Variants in CBFA2T3 observed in about 807,000 individuals in gnomAD.
CBFA2T3 encodes transcriptional corepressor CBFA2T3.
In CBFA2T3, 31 loss-of-function variants were observed where a neutral mutation model predicts 58.6. The observed-to-expected ratio is 0.53, with a 90% CI of 0.40 to 0.71. The LOEUF (loss-of-function observed/expected upper bound fraction) is 0.71. CBFA2T3 is among the 30% of genes least tolerant of loss of function. CBFA2T3 has a pLI of 0.00. For synonymous variants in CBFA2T3, 531 were observed against 421.9 expected (o/e 1.26, Z -3.17); for missense variants, 1,076 against 963.1 (o/e 1.12, Z -1.55).
At chr16:88,878,127 C>A (rs1968912839) in intron 11 of CBFA2T3, among the ~76,000 whole-genome samples, 1 of 152,272 alleles carries the variant, frequency 6.6e-6, no homozygotes, top group Non-Finnish European at 1.5e-5. Context: ...CAGCTTCATT[C>A]CTCCCGGCAT....
intron 8 of CBFA2T3, 31 bp downstream of exon 8, chr16:88,882,645 T>C (rs1370997512): frequency 6.9e-7 from 1 of 1,441,482 alleles, no homozygotes; most frequent in East Asian, 2.4e-5. Flanking sequence ...TGGGCATGGC[T>C]GTGTGGGCGT....
At chr16:88,910,278 G>A (rs552718066) in intron 1 of CBFA2T3, among the ~76,000 whole-genome samples, 15 of 152,226 alleles carry the variant, frequency 9.9e-5, no homozygotes, top group South Asian at 2.1e-4. Context: ...GCTGCAGCCC[G>A]CGCGGCCCTT....
At chr16:88,976,540 C>T (rs747941524) in intron 1 of CBFA2T3, 117 bp downstream of exon 1, 18 of 744,588 alleles carry the variant, frequency 2.4e-5, no homozygotes, top group African/African-American at 1.8e-4. Context: ...CACGGCCATC[C>T]GTGCCGGCAC....
At chr16:88,935,048 G>A (rs1359925761) in intron 1 of CBFA2T3, among the ~76,000 whole-genome samples, 1 of 152,210 alleles carries the variant, frequency 6.6e-6, no homozygotes, top group African/African-American at 2.4e-5. Flanking sequence ...CCAGAAGGAC[G>A]CATTCTTTAA....
intron 1 of CBFA2T3, among the ~76,000 whole-genome samples, chr16:88,928,354 C>T (rs527284522): frequency 5.3e-5 from 8 of 152,352 alleles, no homozygotes; most frequent in Non-Finnish European, 1.0e-4. Context: ...GGAGCGGGCC[C>T]GGTCTGTGAG....
At chr16:88,884,826 G>A (rs921898450) in intron 7 of CBFA2T3, 32 of 464,276 alleles carry the variant, frequency 6.9e-5, no homozygotes, top group Middle Eastern at 5.6e-4. Context: ...GCCCGAGGCC[G>A]CCCACCCCGG....
chr16:88,921,793 C>T (rs1970930529), intron 1 of CBFA2T3, among the ~76,000 whole-genome samples: 1 of 152,262 alleles, frequency 6.6e-6, no homozygotes, highest in African/African-American at 2.4e-5. Context: ...TTTGAAGTTG[C>T]TTCCTCGGCG....
chr16:88,896,994 G>A (rs780898684), intron 3 of CBFA2T3, among the ~76,000 whole-genome samples: 16 of 152,226 alleles, frequency 1.1e-4, no homozygotes, highest in African/African-American at 3.4e-4. Context: ...AAGTTAGACC[G>A]CACACGTGTC....
intron 2 of CBFA2T3, among the ~76,000 whole-genome samples, chr16:88,900,821 G>C (rs938353164): frequency 5.3e-5 from 8 of 152,262 alleles, no homozygotes; most frequent in African/African-American, 1.9e-4. Flanking sequence ...AGAACTGGCT[G>C]TTCCCTGCCC....
intron 1 of CBFA2T3, among the ~76,000 whole-genome samples, chr16:88,925,061 G>C (rs757251468): frequency 2.0e-5 from 3 of 152,264 alleles, no homozygotes; most frequent in Admixed American, 1.3e-4. Flanking sequence ...GCCCAAGGGG[G>C]AAGCAGTGGA....
At chr16:88,922,804 C>T (rs1031088375) in intron 1 of CBFA2T3, among the ~76,000 whole-genome samples, 5 of 152,244 alleles carry the variant, frequency 3.3e-5, no homozygotes, top group African/African-American at 7.2e-5. Flanking sequence ...TTTGCCCCTG[C>T]GTGGTTTCAC....
chr16:88,879,843 G>A (rs1968995995), intron 10 of CBFA2T3: 1 of 206,868 alleles, frequency 4.8e-6, no homozygotes, highest in Admixed American at 5.5e-5. Context: ...GGTCAGCCAG[G>A]GGCGCACCCG....
At chr16:88,896,897 C>A (rs759608741) in intron 3 of CBFA2T3, among the ~76,000 whole-genome samples, 3 of 152,260 alleles carry the variant, frequency 2.0e-5, no homozygotes, top group Admixed American at 6.5e-5. Flanking sequence ...CACTCCCTCC[C>A]GCGCTGCTGG....
chr16:88,889,384 G>A (rs1191879834), intron 5 of CBFA2T3, among the ~76,000 whole-genome samples: 7 of 60,200 alleles, frequency 1.2e-4, no homozygotes, highest in African/African-American at 2.0e-4. Context: ...GGGAGGGCAG[G>A]AAAAAGCAGA....
rs201916925 is a variant in CBFA2T3, at chr16:88,881,354, C to T, written c.1339G>A (p.Gly447Ser). 615 of 1,585,344 alleles carry T rather than the reference C, an allele frequency of 3.9e-4. 2 individuals carry two copies. The highest frequency in any genetic ancestry group is 4.9e-4 in the Non-Finnish European group (568 of 1,167,554). The change falls in exon 9 of 12, where the codon GGC becomes AGC. Residue 447 changes from glycine (G) to serine (S), a missense_variant. Coordinates refer to ENST00000268679, the MANE Select transcript of CBFA2T3 (RefSeq NM_005187.6). ...RYSDAEDTKKGPAPAAARPRS... is the reference protein window; with the variant it reads ...RYSDAEDTKKSPAPAAARPRS... ...GGCCGGGCCGCGGCGGGAGCGGGGCCCTTCTTTGTGTCCTCGGCGTCGCTG... is the reference window on the plus strand; with the variant it reads ...GGCCGGGCCGCGGCGGGAGCGGGGCTCTTCTTTGTGTCCTCGGCGTCGCTG...
At position 88,894,547 on chromosome 16, in the gene CBFA2T3, TAC is replaced by T. The variant is rs1478688117; in HGVS notation, c.380-2064_380-2063del. Among the ~76,000 whole-genome samples, 147 of 134,668 alleles carry T rather than the reference TAC, an allele frequency of 1.1e-3. 4 individuals are homozygous for T. Among genetic ancestry groups the T allele is most frequent in the African/African-American group, 3.9e-3 (131 of 33,696 alleles). 88.3% of individuals were successfully genotyped at this position (134,668 alleles called of 152,430 possible). ...CATACATATACACATGCACACAATGTACACACATGCACACACACATGCACACA... is the reference window on the plus strand; with the variant it reads ...CATACATATACACATGCACACAATGTACACATGCACACACACATGCACACA... On this transcript the variant is annotated intron_variant, in intron 3 of 11. Transcript: ENST00000268679.
At chr16:88,900,429 G>A (rs767412203) in intron 2 of CBFA2T3, among the ~76,000 whole-genome samples, 1 of 152,188 alleles carries the variant, frequency 6.6e-6, no homozygotes, top group African/African-American at 2.4e-5. Context: ...CCCAGCCTCA[G>A]CGGCAGAGCC....
chr16:88,941,605 A>AGGGGGCGACGGGCGCGCCGCCTCCTGCG (rs1297036051), intron 1 of CBFA2T3, among the ~76,000 whole-genome samples: 5 of 143,442 alleles, frequency 3.5e-5, no homozygotes, highest in Non-Finnish European at 3.1e-5. Context: ...GGGCGCGGGG[A>AGGGGGCGACGGGCGCGCCGCCTCCTGCG]GGGGGCGACG....
At chr16:88,965,395 T>A (rs1225761572) in intron 1 of CBFA2T3, among the ~76,000 whole-genome samples, 1 of 152,262 alleles carries the variant, frequency 6.6e-6, no homozygotes, top group Non-Finnish European at 1.5e-5. Context: ...TGAGACTGTT[T>A]AATCAATGTT....
Sources: allele counts gnomAD v4.1 joint callset (sites outside exome capture counted in the v4.1 genomes callset), GRCh38; gene constraint gnomAD v4.1.1; transcripts MANE v1.5; gene names NCBI Gene and HGNC (gene_info 2026-07-23, HGNC 2026-07-21).